PRKACB: variants seen among roughly 807,000 people sequenced by gnomAD.
The protein encoded by PRKACB is protein kinase cAMP-activated catalytic subunit beta, also known as cAMP-dependent protein kinase catalytic subunit beta.
PRKACB carries 16 observed loss-of-function variants against 51.4 expected under a neutral mutation model. That is an observed-to-expected ratio of 0.31 (90% CI 0.21 to 0.47). PRKACB has a LOEUF of 0.47. Ranked by LOEUF, PRKACB falls within the 20% of genes least tolerant of loss-of-function variation. The probability of loss-of-function intolerance (pLI) is 1.00; values close to 1 mark genes in which losing one functional copy is unlikely to be tolerated. For missense variants in PRKACB, 309 were observed against 464.5 expected, an observed-to-expected ratio of 0.67 and a Z score of 3.08; for synonymous variants, 147 against 154.4, an observed-to-expected ratio of 0.95 and a Z score of 0.35.
intron 1 of PRKACB, among the ~76,000 whole-genome samples, chr1:84,080,660 C>G (rs1044833054): frequency 2.6e-5 from 4 of 152,146 alleles, no homozygotes; most frequent in African/African-American, 7.2e-5. Flanking sequence ...AAGAACTCAT[C>G]ATTACGTACC....
intron 1 of PRKACB, among the ~76,000 whole-genome samples, chr1:84,125,034 CTAAA>C (rs1651449040): frequency 6.6e-6 from 1 of 152,060 alleles, no homozygotes; most frequent in Non-Finnish European, 1.5e-5. Flanking sequence ...ATTGCTATAA[CTAAA>C]TAGTGGCTTA....
chr1:84,209,485 GA>G (rs1671821722), intron 8 of PRKACB, among the ~76,000 whole-genome samples: 1 of 152,070 alleles, frequency 6.6e-6, no homozygotes, highest in African/African-American at 2.4e-5. Context: ...AATGCACAGG[GA>G]AACCATTTTT....
chr1:84,118,300 A>G (rs568517312), intron 1 of PRKACB, among the ~76,000 whole-genome samples: 121 of 152,152 alleles, frequency 8.0e-4, no homozygotes, highest in Non-Finnish European at 1.2e-3. Flanking sequence ...TAGATGTTCT[A>G]TTTATAGTAT....
chr1:84,086,494 C>T (rs1648004066), intron 1 of PRKACB, among the ~76,000 whole-genome samples: 1 of 152,168 alleles, frequency 6.6e-6, no homozygotes, highest in Non-Finnish European at 1.5e-5. Context: ...GAGCCCAGGC[C>T]AGCCCACAGC....
chr1:84,230,204 G>A (rs1448763189), intron 9 of PRKACB, among the ~76,000 whole-genome samples: 3 of 148,286 alleles, frequency 2.0e-5, no homozygotes, highest in Non-Finnish European at 4.5e-5. Flanking sequence ...TTTCCCCATT[G>A]CTTGTTTTTC....
intron 1 of PRKACB, among the ~76,000 whole-genome samples, chr1:84,127,773 A>T (rs1251944912): frequency 6.6e-6 from 1 of 152,058 alleles, no homozygotes. Flanking sequence ...TAACTTGATT[A>T]CTACTTTATT....
At chr1:84,192,862 A>G (rs559087994) in intron 5 of PRKACB, among the ~76,000 whole-genome samples, 2 of 152,156 alleles carry the variant, frequency 1.3e-5, no homozygotes, top group African/African-American at 4.8e-5. Context: ...TTGAGAGCCT[A>G]TTTTTAACTA....
chr1:84,168,320 G>C (rs956807675), intron 1 of PRKACB, among the ~76,000 whole-genome samples: 1 of 151,502 alleles, frequency 6.6e-6, no homozygotes, highest in Non-Finnish European at 1.5e-5. Flanking sequence ...GTAGCGAATA[G>C]GTTTCTCTGA....
intron 1 of PRKACB, among the ~76,000 whole-genome samples, chr1:84,138,545 A>G (rs1257888929): frequency 6.6e-6 from 1 of 152,152 alleles, no homozygotes; most frequent in Non-Finnish European, 1.5e-5. Context: ...AAAAAAATCA[A>G]AAACAAAAAC....
intron 8 of PRKACB, among the ~76,000 whole-genome samples, chr1:84,211,959 T>G (rs941838250): frequency 2.0e-5 from 3 of 152,166 alleles, no homozygotes; most frequent in Non-Finnish European, 4.4e-5. Flanking sequence ...AATGAGATTT[T>G]GAGTTGCTAA....
intron 8 of PRKACB, chr1:84,205,098 G>T: frequency 2.0e-6 from 2 of 981,736 alleles, no homozygotes; most frequent in Non-Finnish European, 2.4e-6. Context: ...AGGATATTTG[G>T]TGTACTTTTG....
intron 1 of PRKACB, chr1:84,174,889 AATAC>A (rs1660711344): frequency 1.4e-6 from 1 of 728,060 alleles, no homozygotes; most frequent in Admixed American, 4.6e-5. Flanking sequence ...AACTTATTTG[AATAC>A]ATACAATCAA....
intron 9 of PRKACB, among the ~76,000 whole-genome samples, chr1:84,217,511 C>T (rs998487064): frequency 6.6e-6 from 1 of 151,954 alleles, no homozygotes; most frequent in Non-Finnish European, 1.5e-5. Context: ...TGTTTTAAAA[C>T]AGGCCAGGTG....
chr1:84,156,986 C>G, intron 1 of PRKACB, among the ~76,000 whole-genome samples: 1 of 152,144 alleles, frequency 6.6e-6, no homozygotes, highest in East Asian at 1.9e-4. Flanking sequence ...GCCTGAATCA[C>G]CAACCCAGAT....
intron 1 of PRKACB, among the ~76,000 whole-genome samples, chr1:84,078,802 C>T (rs890439124): frequency 4.6e-5 from 7 of 152,186 alleles, no homozygotes; most frequent in African/African-American, 1.7e-4. Flanking sequence ...CCGACCCAAC[C>T]TTATCACAAG....
intron 1 of PRKACB, among the ~76,000 whole-genome samples, chr1:84,145,163 C>G (rs1558016948): frequency 6.6e-6 from 1 of 151,990 alleles, no homozygotes. Context: ...ATGCATGAAT[C>G]ACATTCTTTC....
At chr1:84,173,374 C>G (rs1357093034) in intron 1 of PRKACB, 1 of 1,546,022 alleles carries the variant, frequency 6.5e-7, no homozygotes, top group Admixed American at 1.9e-5. Context: ...CCTTTTTTTA[C>G]AGAATAATTC....
intron 1 of PRKACB, among the ~76,000 whole-genome samples, chr1:84,078,664 C>T (rs1432349416): frequency 6.6e-6 from 1 of 152,184 alleles, no homozygotes; most frequent in Non-Finnish European, 1.5e-5. Context: ...GGAACACTTC[C>T]CCAAATATGG....
intron 9 of PRKACB, among the ~76,000 whole-genome samples, chr1:84,217,811 C>T (rs553222460): frequency 3.1e-4 from 47 of 152,096 alleles, no homozygotes; most frequent in Admixed American, 1.2e-3. Context: ...AGAAAAAAAC[C>T]CTACTCCACA....
Sources: gnomAD v4.1 joint callset for allele counts (sites outside exome capture counted in the v4.1 genomes callset) on GRCh38, gnomAD v4.1.1 for gene constraint, MANE v1.5 for transcripts, NCBI Gene and HGNC (gene_info 2026-07-23, HGNC 2026-07-21) for gene names.